The following PABIR2 variants were observed in gnomAD, a reference collection of about 807,000 sequenced individuals.
The protein encoded by PABIR2 is PABIR family member 2, also known as family with sequence similarity 122B.
A neutral mutation model predicts 22.8 loss-of-function variants in PABIR2; 7 were observed. That is an observed-to-expected ratio of 0.31 (90% confidence interval 0.17 to 0.58). The LOEUF is 0.58. Among genes scored for constraint, PABIR2 ranks in the 20% least tolerant of loss-of-function variants. PABIR2 has a pLI of 0.89. For missense variants in PABIR2, 155 were observed against 205.1 expected (o/e 0.76, Z 1.49); for synonymous variants, 67 against 73.8 (o/e 0.91, Z 0.47).
intron 1 of PABIR2, 64 bp downstream of exon 1, chrX:134,796,044 G>A: frequency 3.7e-6 from 4 of 1,067,453 alleles, no homozygotes; most frequent in Non-Finnish European, 3.9e-6. Context: ...AAGGAAGGAA[G>A]ATTGCTTGCA....
Position 134,789,942 on chromosome X carries a change from C to T in PABIR2, c.178-306G>A, listed in dbSNP as rs141894443. Among the ~76,000 whole-genome samples the T allele has an allele frequency of 4.0e-3, 442 of 111,182 alleles. 1 individual carries two copies. Among genetic ancestry groups the T allele is most frequent in the Non-Finnish European group, 6.2e-3 (329 of 53,055 alleles). Reference sequence around the variant, plus strand: ...TATGGGCCTTAGAAATATCCATTATCCCACTTATCTAAAATAAAGAACAAT... The same window carrying T: ...TATGGGCCTTAGAAATATCCATTATTCCACTTATCTAAAATAAAGAACAAT... On this transcript the variant is annotated intron_variant, in intron 2 of 9. Transcript: ENST00000343004.
intron 8 of PABIR2, among the ~76,000 whole-genome samples, chrX:134,785,444 CA>C (rs1474041696): frequency 9.2e-6 from 1 of 109,184 alleles, no homozygotes; most frequent in Non-Finnish European, 1.9e-5. Flanking sequence ...TGATCACAGT[CA>C]ATTTTTTTTT....
intron 2 of PABIR2, among the ~76,000 whole-genome samples, chrX:134,792,999 C>T (rs2079594985): frequency 8.9e-6 from 1 of 111,901 alleles, no homozygotes; most frequent in Non-Finnish European, 1.9e-5. Flanking sequence ...CAGTTTTTCC[C>T]TCTCCTCCCT....
chrX:134,788,467 T>TTATATATAC (rs1206104579), intron 6 of PABIR2, among the ~76,000 whole-genome samples: 6 of 93,460 alleles, frequency 6.4e-5, no homozygotes, highest in African/African-American at 2.3e-4. Context: ...GTTATATATG[T>TTATATATAC]GTTATATATA....
intron 6 of PABIR2, among the ~76,000 whole-genome samples, chrX:134,788,039 A>AATATACACGTT (rs1556283413): frequency 9.3e-6 from 1 of 107,855 alleles, no homozygotes; most frequent in Non-Finnish European, 1.9e-5. Context: ...ATATATATGT[A>AATATACACGTT]ATATATATGT....
intron 2 of PABIR2, chrX:134,791,721 T>C: frequency 3.1e-6 from 1 of 324,683 alleles, no homozygotes; most frequent in South Asian, 2.7e-5. Context: ...CTGTCTTCTT[T>C]GTAAAGTAAG....
intron 2 of PABIR2, among the ~76,000 whole-genome samples, chrX:134,789,860 A>C (rs1413746472): frequency 8.9e-6 from 1 of 112,132 alleles, no homozygotes; most frequent in Non-Finnish European, 1.9e-5. Context: ...ACAGACACTG[A>C]CTTCAGCACT....
intron 9 of PABIR2, among the ~76,000 whole-genome samples, chrX:134,772,563 G>A (rs1037207243): frequency 9.0e-6 from 1 of 111,160 alleles, no homozygotes; most frequent in African/African-American, 3.3e-5. Context: ...TGGTTTTCGG[G>A]AGGGAGTTCC....
intron 9 of PABIR2, among the ~76,000 whole-genome samples, chrX:134,777,039 A>C (rs1440201843): frequency 8.9e-6 from 1 of 112,293 alleles, no homozygotes; most frequent in African/African-American, 3.2e-5. Context: ...GCTGGGTTCT[A>C]TCAGATTAAC....
In PABIR2 at chrX:134,787,374, AC is replaced by A. The variant is rs2079359982; in HGVS notation, c.497+97del. On this transcript the variant is annotated intron_variant, in intron 7 of 9. Coordinates refer to ENST00000343004, the MANE Select transcript of PABIR2 (RefSeq NM_001387468.1). ...CTCGGCCTTCCAAAGTGCTAGGATT[AC>A]AGGTGTGAGCCACTGCGCCCAGCCA... 4 of 835,747 alleles carry A rather than the reference AC, an allele frequency of 4.8e-6. No homozygotes were observed. In the Admixed American group the frequency reaches 9.1e-5, roughly 19 times the overall value. The allele number at this position is 835,747 out of a possible 1,213,427, so 68.9% of individuals were successfully genotyped here.
intron 2 of PABIR2, 181 bp downstream of exon 2, chrX:134,793,634 A>G (rs1184549011): frequency 6.9e-6 from 4 of 575,754 alleles, no homozygotes; most frequent in Non-Finnish European, 1.2e-5. Context: ...AAAAATTTTT[A>G]ACCATGTATC....
At chrX:134,786,724 G>A (rs950227760) in intron 7 of PABIR2, among the ~76,000 whole-genome samples, 1 of 111,335 alleles carries the variant, frequency 9.0e-6, no homozygotes, top group Non-Finnish European at 1.9e-5. Context: ...TTGGGAGGCC[G>A]AGGAGGGCAC....
intron 6 of PABIR2, among the ~76,000 whole-genome samples, chrX:134,788,115 TAA>T (rs1261168206): frequency 1.9e-5 from 2 of 104,933 alleles, no homozygotes; most frequent in African/African-American, 3.5e-5. Flanking sequence ...TATATATGTG[TAA>T]TATATACACG....
At chrX:134,793,241 G>A (rs941344127) in intron 2 of PABIR2, among the ~76,000 whole-genome samples, 5 of 111,901 alleles carry the variant, frequency 4.5e-5, no homozygotes, top group African/African-American at 1.6e-4. Flanking sequence ...CCAGAGAATT[G>A]AAGCTGCTTG....
chrX:134,773,487 T>C (rs2078888080), intron 9 of PABIR2, among the ~76,000 whole-genome samples: 1 of 110,982 alleles, frequency 9.0e-6, no homozygotes, highest in Non-Finnish European at 1.9e-5. Flanking sequence ...ATATATAACA[T>C]GGGTAACCTA....
intron 3 of PABIR2, 111 bp from the exon 4 acceptor site, chrX:134,789,377 A>G (rs1373374181): frequency 2.0e-6 from 2 of 1,020,121 alleles, no homozygotes; most frequent in Non-Finnish European, 2.7e-6. Flanking sequence ...TAAAATAAAA[A>G]GACTTTTTCT....
At chrX:134,786,975 A>T in intron 7 of PABIR2, among the ~76,000 whole-genome samples, 1 of 111,233 alleles carries the variant, frequency 9.0e-6, no homozygotes, top group South Asian at 3.8e-4. Context: ...GAAAAGAAAA[A>T]ACTCTGGTTA....
At chrX:134,782,116 C>T (rs983047875) in intron 8 of PABIR2, among the ~76,000 whole-genome samples, 199 bp from the exon 9 acceptor site, 6 of 112,345 alleles carry the variant, frequency 5.3e-5, no homozygotes, top group Non-Finnish European at 9.4e-5. Context: ...CCCTAAAAAA[C>T]TTCTCACTCA....
In PABIR2 at chrX:134,785,944, TCTC is replaced by T. The variant is rs777298062; in HGVS notation, c.501_503del (p.Arg168del). 24 of 1,208,958 alleles carry T rather than the reference TCTC, an allele frequency of 2.0e-5. No individual in the cohort carries two copies. The Admixed American group carries it at 3.1e-4, about 15-fold the overall frequency. The stretch of plus-strand genomic sequence containing the variant: ...TAATGCACTTGACTGGACTCTGACT[TCTC>T]CTGCTTTGATGAAAAAACAAACAGG... On this transcript the variant is annotated inframe_deletion, in exon 8 of 10. Coordinates refer to ENST00000343004, the MANE Select transcript of PABIR2 (RefSeq NM_001387468.1).
Sources: allele counts gnomAD v4.1 joint callset (sites outside exome capture counted in the v4.1 genomes callset), GRCh38; gene constraint gnomAD v4.1.1; transcripts MANE v1.5; gene names NCBI Gene and HGNC (gene_info 2026-07-23, HGNC 2026-07-21).